SYNE2: variants seen among roughly 807,000 people sequenced by gnomAD.
SYNE2 encodes nesprin-2.
SYNE2 carries 431 observed loss-of-function variants against 856.3 expected under a neutral mutation model. The ratio of observed to expected loss-of-function variants is 0.50; its 90% CI spans 0.47 to 0.55. SYNE2 has a LOEUF of 0.55. Ranked by LOEUF, SYNE2 falls within the 20% of genes least tolerant of loss-of-function variation. The pLI is 0.00. For missense variants in SYNE2, 8,129 were observed against 8,023.2 expected (o/e 1.01, Z -0.50); for synonymous variants, 2,923 against 2,872.3 (o/e 1.02, Z -0.56).
At chr14:64,027,846 T>C in intron 43 of SYNE2, 53 bp downstream of exon 43, 2 of 1,349,332 alleles carry the variant, frequency 1.5e-6, no homozygotes, top group Non-Finnish European at 2.1e-6. Flanking sequence ...TACATAAGTA[T>C]GCAAGACATA....
In SYNE2 at chr14:64,062,782, A is replaced by G. The variant is rs1479369109; in HGVS notation, c.10099A>G (p.Met3367Val). ...YLENYKCYRK[M>V]EEDIYTNLSK... ...TGAGAATTACAAATGCTATAGAAAAATGGAAGAGGATATTTACACTAACCT... is the reference window on the plus strand; with the variant it reads ...TGAGAATTACAAATGCTATAGAAAAGTGGAAGAGGATATTTACACTAACCT... Residue 3367 changes from methionine (M) to valine (V), a missense_variant, in exon 50 of 116, where the codon ATG (methionine) becomes GTG (valine). Physicochemically the swap from Met to Val is conservative, Grantham distance 21. Transcript: ENST00000555002. 2 of 1,613,866 alleles carry G rather than the reference A, an allele frequency of 1.2e-6. No homozygotes were observed. The highest frequency in any genetic ancestry group is 3.3e-5 in the Admixed American group (2 of 59,994).
At position 63,913,765 on chromosome 14, in the gene SYNE2, A is replaced by C. The variant is rs113947918; in HGVS notation, c.79+4538A>C. On this transcript the variant is annotated intron_variant, in intron 2 of 115. Transcript: ENST00000555002. ...GCGTGAGCCACAACACCTGGCCAGC[A>C]GTCCATATTTTAAATGATTTTGCGA... Among the ~76,000 whole-genome samples the C allele has an allele frequency of 5.5e-3, 831 of 151,968 alleles. 6 individuals are homozygous for C. The highest frequency in any genetic ancestry group is 0.019 in the African/African-American group (766 of 41,350).
intron 99 of SYNE2, among the ~76,000 whole-genome samples, chr14:64,196,434 A>G (rs1288731142): frequency 6.6e-6 from 1 of 152,194 alleles, no homozygotes; most frequent in African/African-American, 2.4e-5. Flanking sequence ...TTCCTCTGCA[A>G]TAAATTCCCT....
chr14:64,002,200 G>GTT, intron 29 of SYNE2, 119 bp downstream of exon 29: 2 of 862,492 alleles, frequency 2.3e-6, no homozygotes, highest in South Asian at 1.6e-5. Flanking sequence ...AGCCATGACA[G>GTT]TTTTTTTTTC....
At chr14:64,192,685 C>T (rs1649316250) in intron 99 of SYNE2, among the ~76,000 whole-genome samples, 1 of 152,164 alleles carries the variant, frequency 6.6e-6, no homozygotes, top group African/African-American at 2.4e-5. Context: ...TCCCATTTTA[C>T]ATACCAAGAA....
At chr14:63,968,055 C>T (rs537000409) in intron 11 of SYNE2, among the ~76,000 whole-genome samples, 6 of 152,234 alleles carry the variant, frequency 3.9e-5, no homozygotes, top group African/African-American at 1.4e-4. Context: ...CCCAGCTACT[C>T]CAGAGGCTGA....
At chr14:64,222,140 C>G (rs2098697351) in intron 112 of SYNE2, among the ~76,000 whole-genome samples, 1 of 152,124 alleles carries the variant, frequency 6.6e-6, no homozygotes, top group Non-Finnish European at 1.5e-5. Flanking sequence ...CACTAACACA[C>G]CAAGATGAGA....
chr14:64,108,046 G>A (rs761747572), intron 65 of SYNE2, among the ~76,000 whole-genome samples: 4 of 152,078 alleles, frequency 2.6e-5, no homozygotes, highest in African/African-American at 9.7e-5. Flanking sequence ...CAAAATTCAG[G>A]GAGTAAAAAT....
intron 10 of SYNE2, among the ~76,000 whole-genome samples, chr14:63,965,732 A>G (rs970918945): frequency 4.6e-5 from 7 of 152,220 alleles, no homozygotes; most frequent in Non-Finnish European, 1.0e-4. Flanking sequence ...GGGTTGTGCA[A>G]CTTGCTGGCC....
intron 1 of SYNE2, among the ~76,000 whole-genome samples, chr14:63,830,529 C>A (rs1889629592): frequency 6.6e-6 from 1 of 151,550 alleles, no homozygotes. Context: ...GGAGTGGTGG[C>A]GTGTACCTAT....
chr14:64,141,209 G>GT, intron 80 of SYNE2, 132 bp from the exon 81 acceptor site: 1 of 652,932 alleles, frequency 1.5e-6, no homozygotes, highest in Non-Finnish European at 2.6e-6. Flanking sequence ...AGGAAAAAGG[G>GT]GTGTGTGTGT....
chr14:63,932,680 TTGG>T (rs1233622240), intron 2 of SYNE2, among the ~76,000 whole-genome samples: 1 of 152,190 alleles, frequency 6.6e-6, no homozygotes, highest in East Asian at 1.9e-4. Flanking sequence ...CACTCCAGCC[TTGG>T]TGACAGAGTT....
chr14:63,837,171 G>A (rs34328391), intron 1 of SYNE2, among the ~76,000 whole-genome samples: 9,113 of 152,246 alleles, frequency 0.06, 304 homozygotes, highest in Admixed American at 0.1. Context: ...TTTTTAACAC[G>A]AGTGCCAAGA....
At chr14:63,886,437 C>T (rs2094987655) in intron 1 of SYNE2, among the ~76,000 whole-genome samples, 1 of 151,962 alleles carries the variant, frequency 6.6e-6, no homozygotes, top group Non-Finnish European at 1.5e-5. Flanking sequence ...GAATTTTCTT[C>T]CTTTTTTTAA....
At chr14:64,124,226 G>A (rs140047908) in intron 70 of SYNE2, among the ~76,000 whole-genome samples, 4 of 151,956 alleles carry the variant, frequency 2.6e-5, no homozygotes, top group Non-Finnish European at 4.4e-5. Context: ...ACGGGTTCTC[G>A]CTGTTACCCA....
chr14:64,130,020 A>T (rs1013341403), intron 75 of SYNE2, 28 bp from the exon 76 acceptor site: 1 of 1,613,244 alleles, frequency 6.2e-7, no homozygotes, highest in Non-Finnish European at 8.5e-7. Flanking sequence ...ATGAAAATGC[A>T]TGTGTGCACC....
chr14:64,027,047 A>G (rs530418018), intron 42 of SYNE2, among the ~76,000 whole-genome samples: 5 of 152,232 alleles, frequency 3.3e-5, no homozygotes, highest in Admixed American at 2.0e-4. Context: ...CATGTCTACA[A>G]TGGTACATTT....
Position 64,152,676 on chromosome 14 carries a change from T to C in SYNE2, c.15752T>C (p.Ile5251Thr). Residue 5251 changes from isoleucine (I) to threonine (T), a missense_variant, in exon 85 of 116, where the codon ATT becomes ACT. Transcript: ENST00000555002. Reference protein sequence around the residue: ...VPLLEDTASRIDELFQKRSSV... With the variant: ...VPLLEDTASRTDELFQKRSSV... The stretch of plus-strand genomic sequence containing the variant: ...TTGTTAGAAGATACAGCATCCCGAA[T>C]TGATGAGTTATTTCAAAAGAGAAGC... 1.2e-6 allele frequency: 2 copies of C among 1,614,106 alleles called. No homozygotes were observed. Among genetic ancestry groups the C allele is most frequent in the East Asian group, 2.2e-5 (1 of 44,856 alleles).
At chr14:64,085,098 G>T (rs1366040598) in intron 57 of SYNE2, 1 of 686,186 alleles carries the variant, frequency 1.5e-6, no homozygotes, top group South Asian at 1.5e-5. Context: ...TTAGAGACAG[G>T]GTCTTGCTCT....
Sources: gnomAD v4.1 joint callset for allele counts (sites outside exome capture counted in the v4.1 genomes callset) on GRCh38, gnomAD v4.1.1 for gene constraint, MANE v1.5 for transcripts, NCBI Gene and HGNC (gene_info 2026-07-23, HGNC 2026-07-21) for gene names.